The following PGAP3 variants were observed in gnomAD, a reference collection of about 807,000 sequenced individuals.
The protein encoded by PGAP3 is post-GPI attachment to proteins phospholipase 3.
Under a neutral mutation model 40.3 loss-of-function variants are expected in PGAP3, and 31 were observed. The ratio of observed to expected loss-of-function variants is 0.77; its 90% CI spans 0.58 to 1.04. The LOEUF is 1.04. Among genes scored for constraint, PGAP3 ranks in the 50% least tolerant of loss-of-function variants. The pLI, the probability that PGAP3 is intolerant of heterozygous loss-of-function variation, is 0.00. For synonymous variants in PGAP3, 191 were observed against 184.5 expected, an observed-to-expected ratio of 1.04 and a Z score of -0.29; for missense variants, 413 against 423.0, an observed-to-expected ratio of 0.98 and a Z score of 0.21.
intron 3 of PGAP3, among the ~76,000 whole-genome samples, chr17:39,679,304 G>A (rs1452776809): frequency 6.6e-6 from 1 of 152,188 alleles, no homozygotes; most frequent in Non-Finnish European, 1.5e-5. Flanking sequence ...CCCTGGGGAA[G>A]TGTGACCCCC....
chr17:39,679,146 A>C (rs1010476976), intron 3 of PGAP3, among the ~76,000 whole-genome samples: 1 of 151,962 alleles, frequency 6.6e-6, no homozygotes, highest in African/African-American at 2.4e-5. Flanking sequence ...GGGTTTCACC[A>C]TGTTGGCCAG....
At position 39,687,816 on chromosome 17, in the gene PGAP3, C is replaced by G; in HGVS notation, c.181+18G>C. The G allele has an allele frequency of 2.2e-6, 3 of 1,368,554 alleles. No homozygotes were observed. Among genetic ancestry groups the G allele is most frequent in the Non-Finnish European group, 2.9e-6 (3 of 1,044,496 alleles). The allele number at this position is 1,368,554 out of a possible 1,614,324, so 84.8% of individuals were successfully genotyped here. On this transcript the variant is annotated intron_variant, in intron 1 of 7. Transcript: ENST00000300658. ...AGCAAGACAAATGGGCGGGGCTTAC[C>G]GTGGGGGTGGGGCTTACCTGCTAGA...
chr17:39,675,024 G>A (rs747067820), intron 3 of PGAP3, among the ~76,000 whole-genome samples: 2 of 126,296 alleles, frequency 1.6e-5, no homozygotes, highest in East Asian at 4.2e-4. Flanking sequence ...TCCTCCAACC[G>A]GCAGGTGTTG....
chr17:39,682,143 G>A (rs1477838094), intron 3 of PGAP3, among the ~76,000 whole-genome samples: 14 of 143,262 alleles, frequency 9.8e-5, no homozygotes, highest in African/African-American at 2.6e-4. Context: ...GGAGAATGGC[G>A]TGAACCCGGA....
intron 2 of PGAP3, among the ~76,000 whole-genome samples, chr17:39,685,165 T>A (rs1429801442): frequency 6.6e-6 from 1 of 151,934 alleles, no homozygotes; most frequent in Non-Finnish European, 1.5e-5. Flanking sequence ...CAGGCCAGAA[T>A]GAGATAATAC....
At chr17:39,681,233 C>T (rs1424448340) in intron 3 of PGAP3, among the ~76,000 whole-genome samples, 1 of 152,138 alleles carries the variant, frequency 6.6e-6, no homozygotes, top group African/African-American at 2.4e-5. Context: ...ATCTAATCCA[C>T]TCTTGAAGTT....
At chr17:39,674,296 C>T (rs2057348348) in intron 4 of PGAP3, among the ~76,000 whole-genome samples, 1 of 152,172 alleles carries the variant, frequency 6.6e-6, no homozygotes, top group South Asian at 2.1e-4. Flanking sequence ...GACCACGCTG[C>T]ACAGAATTCA....
rs778841099 is a variant in PGAP3 at position 39,673,632 on chromosome 17, G to T, written c.576C>A (p.His192Gln). The change falls in exon 6 of 8, where the codon CAC (histidine) becomes CAA (glutamine). Residue 192 changes from histidine (H) to glutamine (Q), a missense_variant. His to Gln is a conservative substitution (Grantham distance 24). Transcript: ENST00000300658. ...LCCVRTVGLQ[H>Q]PAVVSAFRAL... ...CCCGGAAGGCACTGACCACAGCTGG[G>T]TGCTGCAGCCCCACGGTCCTGCCCC... 9 of 1,614,058 alleles carry T rather than the reference G, an allele frequency of 5.6e-6. No homozygotes were observed. Among genetic ancestry groups the T allele is most frequent in the Non-Finnish European group, 7.6e-6 (9 of 1,180,008 alleles).
rs2952151 is a variant in PGAP3, at chr17:39,672,243, T to C, written c.*560A>G. 0.64 allele frequency: 99,335 copies of C among 155,638 alleles called. 32,279 individuals are homozygous for C. Among genetic ancestry groups the C allele is most frequent in the South Asian group, 0.74 (3,703 of 5,016 alleles). The allele number at this position is 155,638 out of a possible 1,614,324, so 9.6% of individuals were successfully genotyped here. On this transcript the variant is annotated 3_prime_UTR_variant, in exon 8 of 8. Transcript: ENST00000300658. ...CCTCCTGGGAACCTGGCTAGGGCAA[T>C]GGTCAGGGTGAAACTCCTTCCCAAT...
chr17:39,677,766 G>A (rs2057392493), intron 3 of PGAP3, among the ~76,000 whole-genome samples: 1 of 152,218 alleles, frequency 6.6e-6, no homozygotes, highest in Non-Finnish European at 1.5e-5. Flanking sequence ...GTTTCAGTCT[G>A]TTGGAAATAA....
At position 39,688,031 on chromosome 17, in the gene PGAP3, G is replaced by T; in HGVS notation, c.-17C>A. On this transcript the variant is annotated 5_prime_UTR_variant, in exon 1 of 8. Transcript: ENST00000300658. ...GCCGGCCATCCTTTCTCCCTGGCTC[G>T]CCGCCGGGGGAGGAGCTTAGGAGTA... 1 of 1,375,490 alleles carries T rather than the reference G, an allele frequency of 7.3e-7. No individual in the cohort carries two copies. The allele number at this position is 1,375,490 out of a possible 1,614,324, so 85.2% of individuals were successfully genotyped here.
chr17:39,679,582 G>A (rs1484997992), intron 3 of PGAP3, among the ~76,000 whole-genome samples: 1 of 152,190 alleles, frequency 6.6e-6, no homozygotes, highest in African/African-American at 2.4e-5. Context: ...CCAAAGGAAA[G>A]CAGACAGGTG....
chr17:39,675,810 C>T (rs1022410342), intron 3 of PGAP3, among the ~76,000 whole-genome samples: 3 of 152,162 alleles, frequency 2.0e-5, no homozygotes, highest in African/African-American at 7.2e-5. Flanking sequence ...GTCAGGTTCT[C>T]GGGGTGCCAA....
Position 39,672,649 on chromosome 17 carries a change from AG to A in PGAP3, c.*153del, listed in dbSNP as rs2057321520. On this transcript the variant is annotated 3_prime_UTR_variant, in exon 8 of 8. Coordinates refer to ENST00000300658, the MANE Select transcript of PGAP3 (RefSeq NM_033419.5). ...GACTCCAAGGCTGGTGAGGGCCAAC[AG>A]GGGGTGGGCTGGCCACATGATTCTG... The A allele has an allele frequency of 3.8e-6, 3 of 786,148 alleles. No individual in the cohort carries two copies. Among genetic ancestry groups the A allele is most frequent in the African/African-American group, 1.7e-5 (1 of 58,666 alleles). The allele number at this position is 786,148 out of a possible 1,614,324, so 48.7% of individuals were successfully genotyped here. A position where few individuals can be genotyped will look rare whatever the true frequency, so the allele number is the denominator to read the frequency against.
intron 3 of PGAP3, 54 bp downstream of exon 3, chr17:39,684,543 A>C (rs952732592): frequency 3.9e-6 from 6 of 1,539,972 alleles, no homozygotes; most frequent in Non-Finnish European, 5.3e-6. Flanking sequence ...AGGGATGTAG[A>C]GCTCCACCTT....
chr17:39,674,901 CG>C (rs550198618), intron 3 of PGAP3, among the ~76,000 whole-genome samples: 1 of 152,164 alleles, frequency 6.6e-6, no homozygotes, highest in Non-Finnish European at 1.5e-5. Context: ...CCCAAGGCCA[CG>C]GGGGGCTGCA....
chr17:39,679,889 C>T (rs1233330611), intron 3 of PGAP3, among the ~76,000 whole-genome samples: 1 of 152,216 alleles, frequency 6.6e-6, no homozygotes, highest in African/African-American at 2.4e-5. Context: ...CCTTGCCCCA[C>T]ACATGTATGT....
In PGAP3 at chr17:39,675,008, G is replaced by A. The variant is rs111481657; in HGVS notation, c.433-329C>T. Among the ~76,000 whole-genome samples, 1,143 of 149,880 alleles carry A rather than the reference G, an allele frequency of 7.6e-3. 9 individuals carry two copies. The highest frequency in any genetic ancestry group is 0.026 in the African/African-American group (1,072 of 40,890). On this transcript the variant is annotated intron_variant, in intron 3 of 7. Transcript: ENST00000300658. ...TAAGACAACAGCCCCCAGGGGCCTT[G>A]CCTCCTCCTCCAACCGGCAGGTGTT...
intron 5 of PGAP3, 163 bp from the exon 6 acceptor site, chr17:39,673,813 G>C (rs767177387): frequency 1.3e-5 from 16 of 1,215,132 alleles, no homozygotes; most frequent in Non-Finnish European, 1.6e-5. Flanking sequence ...ACAGCTCCTT[G>C]TCAGGAGCCA....
Sources: gnomAD v4.1 joint callset for allele counts (sites outside exome capture counted in the v4.1 genomes callset) on GRCh38, gnomAD v4.1.1 for gene constraint, MANE v1.5 for transcripts, NCBI Gene and HGNC (gene_info 2026-07-23, HGNC 2026-07-21) for gene names.